Variants in HECW2 observed in about 807,000 individuals in gnomAD.
HECW2 encodes HECT, C2 and WW domain containing E3 ubiquitin protein ligase 2.
A neutral mutation model predicts 175.2 loss-of-function variants in HECW2; 61 were observed. The ratio of observed to expected loss-of-function variants is 0.35; its 90% CI spans 0.28 to 0.43. HECW2 has a LOEUF of 0.43. Ranked by LOEUF, HECW2 falls within the 20% of genes least tolerant of loss-of-function variation. HECW2 has a pLI of 1.00. For synonymous variants in HECW2, 671 were observed against 731.0 expected (o/e 0.92, Z 1.32); for missense variants, 1,524 against 2,000.5 (o/e 0.76, Z 4.54).
intron 2 of HECW2, among the ~76,000 whole-genome samples, chr2:196,357,389 T>C (rs1487354428): frequency 6.6e-6 from 1 of 152,160 alleles, no homozygotes; most frequent in Non-Finnish European, 1.5e-5. Flanking sequence ...CATCCTGTAA[T>C]TTCACTGTCT....
In HECW2 at chr2:196,199,925, T is replaced by C. The variant is rs1268715039; in HGVS notation, c.*1352A>G. The C allele has an allele frequency of 6.6e-6, 1 of 152,602 alleles. No individual in the cohort carries two copies. Among genetic ancestry groups the C allele is most frequent in the Non-Finnish European group, 1.5e-5 (1 of 68,016 alleles). 9.5% of individuals were successfully genotyped at this position (152,602 alleles called of 1,614,324 possible). ...AAATATAGTTCTGAGTTTCAATTTG[T>C]GGTGTCTTCACTGATGAGGGAAAAT... On this transcript the variant is annotated 3_prime_UTR_variant, in exon 29 of 29. Transcript: ENST00000644978.
At chr2:196,290,858 T>C (rs972175101) in intron 14 of HECW2, 14 of 152,264 alleles carry the variant, frequency 9.2e-5, no homozygotes, top group African/African-American at 3.4e-4. Flanking sequence ...TTCAGTGTCA[T>C]TTTACCTGTG....
chr2:196,472,478 C>T (rs1439682487), intron 1 of HECW2, among the ~76,000 whole-genome samples: 3 of 112,148 alleles, frequency 2.7e-5, no homozygotes, highest in African/African-American at 3.9e-5. Context: ...ACAGAGACTC[C>T]GTCAAAAAAA....
intron 13 of HECW2, among the ~76,000 whole-genome samples, chr2:196,295,736 T>G (rs1244230009): frequency 1.3e-5 from 2 of 152,222 alleles, no homozygotes; most frequent in African/African-American, 4.8e-5. Flanking sequence ...CAGTGGCAAT[T>G]AAGTTAAGAA....
At chr2:196,214,641 T>A (rs1272909937) in intron 28 of HECW2, among the ~76,000 whole-genome samples, 1 of 152,236 alleles carries the variant, frequency 6.6e-6, no homozygotes, top group African/African-American at 2.4e-5. Context: ...GGTGTCTGGA[T>A]GCACAGCCTG....
At chr2:196,521,203 C>T (rs372942760) in intron 1 of HECW2, among the ~76,000 whole-genome samples, 27 of 148,078 alleles carry the variant, frequency 1.8e-4, no homozygotes, top group African/African-American at 6.6e-4. Context: ...AGCATCACAC[C>T]CAGGATCATT....
At chr2:196,454,903 C>T (rs1038452376) in intron 1 of HECW2, among the ~76,000 whole-genome samples, 1 of 152,102 alleles carries the variant, frequency 6.6e-6, no homozygotes, top group Non-Finnish European at 1.5e-5. Context: ...ATTTGATGTA[C>T]AATAAACACT....
At chr2:196,572,747 A>C (rs565369360) in intron 1 of HECW2, among the ~76,000 whole-genome samples, 1 of 152,142 alleles carries the variant, frequency 6.6e-6, no homozygotes, top group Non-Finnish European at 1.5e-5. Flanking sequence ...TAGTATCCTT[A>C]TAAGAAGTGG....
Position 196,550,882 on chromosome 2 carries a change from T to C in HECW2, c.-36+42626A>G, listed in dbSNP as rs187235794. Reference sequence around the variant, plus strand: ...TATCTTCTGCCTAAGCAGTTTGTTATAGCTTAAGACCAAATACAGTCAACT... The same window carrying C: ...TATCTTCTGCCTAAGCAGTTTGTTACAGCTTAAGACCAAATACAGTCAACT... On this transcript the variant is annotated intron_variant, in intron 1 of 28. Coordinates refer to ENST00000644978, the MANE Select transcript of HECW2 (RefSeq NM_001348768.2). Among the ~76,000 whole-genome samples the C allele has an allele frequency of 4.6e-5, 7 of 152,364 alleles. No individual in the cohort carries two copies. In the East Asian group the frequency reaches 9.6e-4, roughly 21 times the overall value.
At chr2:196,429,484 C>A (rs1289736391) in intron 2 of HECW2, among the ~76,000 whole-genome samples, 1 of 151,948 alleles carries the variant, frequency 6.6e-6, no homozygotes, top group Non-Finnish European at 1.5e-5. Context: ...AAATTGAGAC[C>A]TCTTATCTCC....
At chr2:196,393,945 C>T (rs1407275529) in intron 2 of HECW2, among the ~76,000 whole-genome samples, 1 of 152,156 alleles carries the variant, frequency 6.6e-6, no homozygotes, top group Non-Finnish European at 1.5e-5. Context: ...AAATGTGGCA[C>T]CTATACACCA....
At chr2:196,356,488 C>T (rs888269059) in intron 2 of HECW2, among the ~76,000 whole-genome samples, 5 of 152,164 alleles carry the variant, frequency 3.3e-5, no homozygotes, top group Admixed American at 1.3e-4. Flanking sequence ...CCTTCCATCC[C>T]GCCCGGATGT....
intron 2 of HECW2, among the ~76,000 whole-genome samples, chr2:196,390,801 T>A (rs974227187): frequency 6.6e-6 from 1 of 152,176 alleles, no homozygotes; most frequent in Non-Finnish European, 1.5e-5. Flanking sequence ...GATTAAGACA[T>A]CACAACAGGC....
chr2:196,568,417 A>T (rs1258339937), intron 1 of HECW2, among the ~76,000 whole-genome samples: 1 of 152,230 alleles, frequency 6.6e-6, no homozygotes, highest in Non-Finnish European at 1.5e-5. Flanking sequence ...AAAAAGCCTA[A>T]CAAAGCACTA....
chr2:196,292,536 C>T (rs773398465), intron 14 of HECW2, 29 bp downstream of exon 14: 1 of 1,587,506 alleles, frequency 6.3e-7, no homozygotes, highest in Non-Finnish European at 8.6e-7. Flanking sequence ...AGGCATTTGG[C>T]ACTCCCTGAG....
chr2:196,305,715 C>T (rs1691232675), intron 13 of HECW2, among the ~76,000 whole-genome samples: 1 of 152,124 alleles, frequency 6.6e-6, no homozygotes, highest in Admixed American at 6.5e-5. Flanking sequence ...ACTTACCCAC[C>T]AAATCTTGTC....
intron 1 of HECW2, among the ~76,000 whole-genome samples, chr2:196,491,440 C>CAT (rs1687188887): frequency 7.1e-6 from 1 of 141,562 alleles, no homozygotes; most frequent in African/African-American, 2.6e-5. Flanking sequence ...TATATACACA[C>CAT]ATATATACAC....
chr2:196,382,711 C>T (rs542340192), intron 2 of HECW2, among the ~76,000 whole-genome samples: 1 of 152,016 alleles, frequency 6.6e-6, no homozygotes, highest in East Asian at 1.9e-4. Context: ...TTATAAATAA[C>T]CTGGCTTTAA....
intron 28 of HECW2, among the ~76,000 whole-genome samples, chr2:196,209,600 C>T (rs1687190041): frequency 6.6e-6 from 1 of 152,134 alleles, no homozygotes; most frequent in Admixed American, 6.5e-5. Context: ...TGAGAATCTC[C>T]TGTCAATTCT....
Sources: gnomAD v4.1 joint callset for allele counts (sites outside exome capture counted in the v4.1 genomes callset) on GRCh38, gnomAD v4.1.1 for gene constraint, MANE v1.5 for transcripts, NCBI Gene and HGNC (gene_info 2026-07-23, HGNC 2026-07-21) for gene names.